Variants in CPHXL observed in about 807,000 individuals in gnomAD.
CPHXL encodes the protein cytoplasmic polyadenylated homeobox like.
chr16:75,714,322 A>G lies in CPHXL; in HGVS notation c.1120T>C (p.Ser374Pro), dbSNP rs1388927326. The G allele has an allele frequency of 1.3e-5, 5 of 398,450 alleles. No homozygotes were observed. Among genetic ancestry groups the G allele is most frequent in the African/African-American group, 1.0e-4 (5 of 48,594 alleles). 24.7% of individuals were successfully genotyped at this position (398,450 alleles called of 1,614,324 possible). Residue 374 changes from serine to proline, a missense_variant, in exon 3 of 3, where the codon TCT becomes CCT. Transcript: ENST00000640559. The part of the protein sequence containing the change: ...KPLCSQLQHM[S>P]LQIAADSPLL... ...GGTGAGTCGGCAGCTATTTGGAGAGACATGTGCTGCAGTTGAGAGCACAAC... is the reference window on the plus strand; with the variant it reads ...GGTGAGTCGGCAGCTATTTGGAGAGGCATGTGCTGCAGTTGAGAGCACAAC...
intron 1 of CPHXL, among the ~76,000 whole-genome samples, chr16:75,719,394 C>T (rs1959441211): frequency 6.6e-6 from 1 of 152,136 alleles, no homozygotes; most frequent in African/African-American, 2.4e-5. Context: ...AAAATCAGGT[C>T]ACTCCCACCC....
chr16:75,725,103 C>T (rs558032065), intron 1 of CPHXL, among the ~76,000 whole-genome samples: 1 of 150,682 alleles, frequency 6.6e-6, no homozygotes, highest in East Asian at 2.0e-4. Flanking sequence ...GGAAGGGGAA[C>T]ATCACACACC....
intron 1 of CPHXL, among the ~76,000 whole-genome samples, chr16:75,721,816 C>T (rs1219244704): frequency 2.0e-5 from 3 of 152,230 alleles, no homozygotes; most frequent in East Asian, 3.8e-4. Context: ...CTCAGCACCA[C>T]ACCACACCTA....
chr16:75,715,192 G>A lies in CPHXL; in HGVS notation c.250C>T (p.Pro84Ser). ...NWFQNKRARL[P>S]PAERRRIFVL... ...AATATTCTGCGTCTTTCTGCAGGTG[G>A]AAGTCTGGCTCTTTTATTCTGGAAC... The change falls in exon 3 of 3, where the codon CCA (proline) becomes TCA (serine). Residue 84 changes from proline to serine, a missense_variant. Physicochemically the swap from Pro to Ser is moderately conservative, Grantham distance 74. Transcript: ENST00000640559. 2.5e-6 allele frequency: 1 copy of A among 398,884 alleles called. No individual in the cohort carries two copies. Among genetic ancestry groups the A allele is most frequent in the East Asian group, 3.6e-5 (1 of 28,076 alleles). 24.7% of individuals were successfully genotyped at this position (398,884 alleles called of 1,614,324 possible). A position where few individuals can be genotyped will look rare whatever the true frequency, so the allele number is the denominator to read the frequency against.
chr16:75,717,509 T>C (rs1266937272), intron 2 of CPHXL, among the ~76,000 whole-genome samples: 1 of 152,254 alleles, frequency 6.6e-6, no homozygotes, highest in African/African-American at 2.4e-5. Context: ...CTAGATGACT[T>C]ACAATACCTG....
chr16:75,722,186 T>A (rs1959487904), intron 1 of CPHXL, among the ~76,000 whole-genome samples: 1 of 151,710 alleles, frequency 6.6e-6, no homozygotes, highest in Non-Finnish European at 1.5e-5. Context: ...AACATCACAA[T>A]GAAAAGAACT....
intron 1 of CPHXL, among the ~76,000 whole-genome samples, chr16:75,724,113 A>G (rs1000596690): frequency 2.0e-5 from 3 of 152,256 alleles, no homozygotes; most frequent in African/African-American, 7.2e-5. Flanking sequence ...CACTTTATAC[A>G]AAAATTAATT....
chr16:75,719,237 G>C (rs1959439009), intron 1 of CPHXL, among the ~76,000 whole-genome samples: 1 of 152,178 alleles, frequency 6.6e-6, no homozygotes, highest in Non-Finnish European at 1.5e-5. Flanking sequence ...ATCTCACTGG[G>C]GAGTGTTGGG....
In CPHXL at chr16:75,714,632, C is replaced by T. The variant is rs1412544931; in HGVS notation, c.810G>A (p.Lys270=). ...PYFHGERTET[K]ESQHASPFLL... is the part of the protein sequence containing the mutation. ...GGAAAGGACTTGCATGCTGGCTTTCCTTGGTTTCAGTCCTTTCTCCATGAA... is the reference window on the plus strand; with the variant it reads ...GGAAAGGACTTGCATGCTGGCTTTCTTTGGTTTCAGTCCTTTCTCCATGAA... The change falls in exon 3 of 3, where the codon AAG becomes AAA. Residue 270 remains lysine (K), a synonymous_variant. Transcript: ENST00000640559. The T allele has an allele frequency of 2.5e-6, 1 of 398,530 alleles. No individual in the cohort carries two copies. The highest frequency in any genetic ancestry group is 4.4e-6 in the Non-Finnish European group (1 of 226,088). The allele number at this position is 398,530 out of a possible 1,614,324, so 24.7% of individuals were successfully genotyped here.
intron 2 of CPHXL, among the ~76,000 whole-genome samples, chr16:75,717,548 A>C (rs2151838638): frequency 6.6e-6 from 1 of 152,268 alleles, no homozygotes. Flanking sequence ...ATGCTACATA[A>C]ATATTTCTTA....
At position 75,714,153 on chromosome 16, in the gene CPHXL, C is replaced by G. The variant is rs1959356140; in HGVS notation, c.*71G>C. The G allele has an allele frequency of 2.5e-6, 1 of 398,278 alleles. No homozygotes were observed. The highest frequency in any genetic ancestry group is 1.3e-4 in the South Asian group (1 of 7,544). 24.7% of individuals were successfully genotyped at this position (398,278 alleles called of 1,614,324 possible). ...GGGCCTGACCTGCGACTGTGTTTCT[C>G]TGACACTTAGCACTACTTTGCAGAG... On this transcript the variant is annotated 3_prime_UTR_variant, in exon 3 of 3. Transcript: ENST00000640559.
At chr16:75,722,431 C>G (rs1412200866) in intron 1 of CPHXL, among the ~76,000 whole-genome samples, 1 of 152,308 alleles carries the variant, frequency 6.6e-6, no homozygotes, top group South Asian at 2.1e-4. Context: ...GATATCATCA[C>G]TGATCCCACA....
At position 75,725,573 on chromosome 16, in the gene CPHXL, C is replaced by A. The variant is rs577939132; in HGVS notation, c.25+845G>T. 5.3e-5 allele frequency among the ~76,000 whole-genome samples: 8 copies of A among 151,940 alleles called. No homozygotes were observed. In the South Asian group the frequency reaches 8.3e-4, roughly 16 times the overall value. ...GTTCACGCCATTCTCCTGCCTCAGCCTCCCAAGTAGCTGGGACTACAGGCG... is the reference window on the plus strand; with the variant it reads ...GTTCACGCCATTCTCCTGCCTCAGCATCCCAAGTAGCTGGGACTACAGGCG... On this transcript the variant is annotated intron_variant, in intron 1 of 2. Transcript: ENST00000640559.
chr16:75,723,735 G>T (rs576735187), intron 1 of CPHXL, among the ~76,000 whole-genome samples: 9,591 of 152,096 alleles, frequency 0.063, 445 homozygotes, highest in African/African-American at 0.12. Flanking sequence ...TTTCTTCACA[G>T]AATTGGAAAA....
Position 75,714,507 on chromosome 16 carries a change from T to C in CPHXL, c.935A>G (p.Gln312Arg), listed in dbSNP as rs773024408. The C allele has an allele frequency of 5.0e-6, 2 of 398,536 alleles. No homozygotes were observed. The highest frequency in any genetic ancestry group is 8.8e-6 in the Non-Finnish European group (2 of 226,086). The allele number at this position is 398,536 out of a possible 1,614,324, so 24.7% of individuals were successfully genotyped here. A position where few individuals can be genotyped will look rare whatever the true frequency, so the allele number is the denominator to read the frequency against. The change falls in exon 3 of 3, where the codon CAG (glutamine) becomes CGG (arginine). Residue 312 changes from glutamine (Q) to arginine (R), a missense_variant. Physicochemically the swap from Gln to Arg is conservative, Grantham distance 43. Transcript: ENST00000640559. ...CTGTTGGTGCTGCTGCAGGTGATAC[T>C]GCCAATCATTCTGCTGCTGTTGTCC... Reference protein sequence around the residue: ...LLGQQQQNDWQYHLQQHQQPQ... With the variant: ...LLGQQQQNDWRYHLQQHQQPQ...
intron 2 of CPHXL, among the ~76,000 whole-genome samples, chr16:75,716,151 C>G (rs945123759): frequency 6.6e-6 from 1 of 152,170 alleles, no homozygotes; most frequent in South Asian, 2.1e-4. Flanking sequence ...TGCTCTCACA[C>G]CACAACAATC....
rs1441727022 is a variant in CPHXL at position 75,715,141 on chromosome 16, G to GAA, written c.299_300dup (p.Pro101PhefsTer9). ...CTTAAAAATGAATGGGCTTGGACTG[G>GAA]AAAATCATGCTTTTTCTGAAGAACA... On this transcript the variant is annotated frameshift_variant, in exon 3 of 3. Coordinates refer to ENST00000640559, the MANE Select transcript of CPHXL (RefSeq NM_001355613.1). LOFTEE classifies it low-confidence loss of function (END_TRUNC). The GAA allele has an allele frequency of 2.5e-6, 1 of 398,892 alleles. No homozygotes were observed. The highest frequency in any genetic ancestry group is 2.1e-5 in the African/African-American group (1 of 48,644). 24.7% of individuals were successfully genotyped at this position (398,892 alleles called of 1,614,324 possible). A position where few individuals can be genotyped will look rare whatever the true frequency, so the allele number is the denominator to read the frequency against.
chr16:75,725,717 G>A (rs1023704701), intron 1 of CPHXL, among the ~76,000 whole-genome samples: 1 of 142,346 alleles, frequency 7.0e-6, no homozygotes. Flanking sequence ...CTCACAAAGT[G>A]CTGGGATTAC....
Position 75,720,617 on chromosome 16 carries a change from C to A in CPHXL, c.26-2159G>T, listed in dbSNP as rs573313649. Among the ~76,000 whole-genome samples, 42 of 152,318 alleles carry A rather than the reference C, an allele frequency of 2.8e-4. 1 individual carries two copies. The South Asian group carries it at 7.2e-3, about 26-fold the overall frequency. On this transcript the variant is annotated intron_variant, in intron 1 of 2. Coordinates refer to ENST00000640559, the MANE Select transcript of CPHXL (RefSeq NM_001355613.1). ...ATGGGACTATGTGAAAAGACCAAATCTACGTCTGATTGGTGGACCTGAAAG... is the reference window on the plus strand; with the variant it reads ...ATGGGACTATGTGAAAAGACCAAATATACGTCTGATTGGTGGACCTGAAAG...
Sources: allele counts gnomAD v4.1 joint callset (sites outside exome capture counted in the v4.1 genomes callset), GRCh38; gene constraint gnomAD v4.1.1; transcripts MANE v1.5; gene names NCBI Gene and HGNC (gene_info 2026-07-23, HGNC 2026-07-21).